The following RUFY1 variants were observed in gnomAD, a reference collection of about 807,000 sequenced individuals.
RUFY1 encodes the protein RUN and FYVE domain-containing protein 1.
In RUFY1, 54 loss-of-function variants were observed where a neutral mutation model predicts 94.6. The observed-to-expected ratio is 0.57, with a 90% CI of 0.46 to 0.72. RUFY1 has a LOEUF of 0.72. Among genes scored for constraint, RUFY1 ranks in the 30% least tolerant of loss-of-function variants. RUFY1 has a pLI of 0.00. For synonymous variants in RUFY1, 396 were observed against 347.3 expected, an observed-to-expected ratio of 1.14 and a Z score of -1.56; for missense variants, 883 against 883.9, an observed-to-expected ratio of 1.00 and a Z score of 0.01.
At chr5:179,573,466 C>T (rs759642923) in intron 5 of RUFY1, among the ~76,000 whole-genome samples, 1 of 152,074 alleles carries the variant, frequency 6.6e-6, no homozygotes, top group Non-Finnish European at 1.5e-5. Flanking sequence ...CGGTTTCTCA[C>T]GTTTAGAGAG....
chr5:179,601,818 A>G, intron 14 of RUFY1, 74 bp from the exon 15 acceptor site: 1 of 6,308 alleles, frequency 1.6e-4, no homozygotes, highest in Admixed American at 2.7e-3. Context: ...ACCCTGTCTC[A>G]AAAAAAAAAA....
intron 2 of RUFY1, among the ~76,000 whole-genome samples, 155 bp from the exon 3 acceptor site, chr5:179,562,392 T>C (rs1029759447): frequency 5.3e-5 from 8 of 152,036 alleles, no homozygotes; most frequent in African/African-American, 1.9e-4. Flanking sequence ...GGCAGTAGAG[T>C]AAGACTCCAT....
At chr5:179,587,877 TAA>T (rs1234411784) in intron 8 of RUFY1, among the ~76,000 whole-genome samples, 1 of 151,708 alleles carries the variant, frequency 6.6e-6, no homozygotes, top group African/African-American at 2.4e-5. Flanking sequence ...ACAAAAAATT[TAA>T]AAGTTAGCTG....
chr5:179,554,733 C>T (rs536566084), intron 1 of RUFY1, among the ~76,000 whole-genome samples: 8 of 151,472 alleles, frequency 5.3e-5, no homozygotes, highest in Admixed American at 2.6e-4. Flanking sequence ...TTTGGGAGGC[C>T]GAGGCGGGCG....
intron 5 of RUFY1, among the ~76,000 whole-genome samples, chr5:179,576,004 C>T (rs1763585363): frequency 6.6e-6 from 1 of 152,120 alleles, no homozygotes; most frequent in African/African-American, 2.4e-5. Flanking sequence ...TGGTCTTGAA[C>T]TCCTGAGCCC....
intron 6 of RUFY1, 22 bp downstream of exon 6, chr5:179,577,158 A>C (rs757881713): frequency 1.0e-4 from 41 of 392,400 alleles, no homozygotes; most frequent in Non-Finnish European, 1.6e-4. Context: ...GTTGTATGTC[A>C]CTTTTTTTTT....
intron 1 of RUFY1, among the ~76,000 whole-genome samples, chr5:179,554,153 T>C (rs1435074834): frequency 6.6e-6 from 1 of 152,164 alleles, no homozygotes; most frequent in East Asian, 1.9e-4. Flanking sequence ...GGAGCAGAGA[T>C]TGAATGTGAG....
chr5:179,580,965 T>C lies in RUFY1; in HGVS notation c.909T>C (p.Asp303=), dbSNP rs1478444056. ...DGGKEHERIT[D]VLDQKNYVEE... ...TTAAAAGGCATGAAAGAATTACTGA[T>C]GTCCTTGATCAAAAAAATTATGTGG... The change falls in exon 7 of 18, where the codon GAT becomes GAC. Residue 303 remains aspartate, a synonymous_variant. Transcript: ENST00000319449. 13 of 1,605,800 alleles carry C rather than the reference T, an allele frequency of 8.1e-6. 1 individual carries two copies. In the South Asian group the frequency reaches 1.5e-4, roughly 18 times the overall value.
intron 15 of RUFY1, 43 bp from the exon 16 acceptor site, chr5:179,605,833 A>T (rs751461031): frequency 1.7e-4 from 193 of 1,159,022 alleles, no homozygotes; most frequent in Non-Finnish European, 2.2e-4. Flanking sequence ...TCAGAGCCTC[A>T]CTCTCTCTCA....
intron 13 of RUFY1, 143 bp downstream of exon 13, chr5:179,596,824 C>T (rs1765699932): frequency 5.4e-6 from 6 of 1,111,264 alleles, no homozygotes; most frequent in Admixed American, 6.3e-5. Context: ...CCACTCACCC[C>T]TGCAGGGTTC....
At position 179,569,338 on chromosome 5, in the gene RUFY1, A is replaced by G; in HGVS notation, c.741A>G (p.Glu247=). ...FYEPEALMME[E]EGMVIVGLLV... is the part of the protein sequence containing the mutation. Reference sequence around the variant, plus strand: ...AGCCTGAGGCTTTAATGATGGAGGAAGAAGGGATGGTGATTGTTGGTCTGC... The same window carrying G: ...AGCCTGAGGCTTTAATGATGGAGGAGGAAGGGATGGTGATTGTTGGTCTGC... The change falls in exon 5 of 18, where the codon GAA becomes GAG. Residue 247 remains glutamate, a synonymous_variant. Coordinates refer to ENST00000319449, the MANE Select transcript of RUFY1 (RefSeq NM_025158.5). 1 of 1,613,832 alleles carries G rather than the reference A, an allele frequency of 6.2e-7. No homozygotes were observed. The highest frequency in any genetic ancestry group is 8.5e-7 in the Non-Finnish European group (1 of 1,179,986).
intron 15 of RUFY1, among the ~76,000 whole-genome samples, chr5:179,603,245 A>G (rs1459538621): frequency 7.0e-6 from 1 of 143,244 alleles, no homozygotes; most frequent in Non-Finnish European, 1.5e-5. Context: ...AGCCTGGGCA[A>G]CAAAAGTGAG....
intron 1 of RUFY1, among the ~76,000 whole-genome samples, chr5:179,557,485 G>A (rs1581417286): frequency 6.6e-6 from 1 of 152,224 alleles, no homozygotes; most frequent in South Asian, 2.1e-4. Context: ...TTTCACTTAG[G>A]CACTTTGTTT....
chr5:179,607,381 C>T (rs1303812563), intron 16 of RUFY1: 2 of 590,692 alleles, frequency 3.4e-6, no homozygotes, highest in African/African-American at 3.7e-5. Context: ...GAGCACGGAG[C>T]TAGGATGCAG....
At chr5:179,560,497 A>C (rs1161509766) in intron 2 of RUFY1, among the ~76,000 whole-genome samples, 2 of 151,918 alleles carry the variant, frequency 1.3e-5, no homozygotes, top group Admixed American at 6.6e-5. Context: ...AGGCGGGCGG[A>C]TCACGAGGTC....
rs375786356 is a variant in RUFY1, at chr5:179,609,483, C to G, written c.2091C>G (p.Thr697=). The G allele has an allele frequency of 1.9e-6, 3 of 1,610,588 alleles. No homozygotes were observed. Among genetic ancestry groups the G allele is most frequent in the Admixed American group, 1.7e-5 (1 of 59,948 alleles). ...TGCGAGTGTGCGACAGCTGCCACAC[C>G]CTGCTCCTGCAGCGCTGCTCCTCCA... ...KPVRVCDSCH[T]LLLQRCSSTA... The change falls in exon 18 of 18, where the codon ACC becomes ACG. Residue 697 remains threonine, a synonymous_variant. Transcript: ENST00000319449.
At chr5:179,555,701 C>A (rs142843696) in intron 1 of RUFY1, 11 of 389,846 alleles carry the variant, frequency 2.8e-5, no homozygotes, top group African/African-American at 4.8e-5. Context: ...GATCTCGGGT[C>A]ACGGCAACCT....
intron 3 of RUFY1, among the ~76,000 whole-genome samples, chr5:179,566,173 C>T (rs1762816601): frequency 6.6e-6 from 1 of 152,114 alleles, no homozygotes. Flanking sequence ...TTTACAGTCT[C>T]ACCAAGCAGC....
chr5:179,580,604 G>A (rs1764082269), intron 6 of RUFY1, among the ~76,000 whole-genome samples: 2 of 151,438 alleles, frequency 1.3e-5, no homozygotes. Context: ...TGAGCTTCGT[G>A]TTTTGAAAAG....
Sources: gnomAD v4.1 joint callset for allele counts (sites outside exome capture counted in the v4.1 genomes callset) on GRCh38, gnomAD v4.1.1 for gene constraint, MANE v1.5 for transcripts, NCBI Gene and HGNC (gene_info 2026-07-23, HGNC 2026-07-21) for gene names.